Variants in PRKCE observed in about 807,000 individuals in gnomAD.
The protein encoded by PRKCE is protein kinase C epsilon.
PRKCE carries 16 observed loss-of-function variants against 85.4 expected under a neutral mutation model. The observed-to-expected ratio is 0.19, with a 90% CI of 0.13 to 0.28. The LOEUF (loss-of-function observed/expected upper bound fraction) is 0.28, where lower values mean the gene tolerates loss of function less well. Among genes scored for constraint, PRKCE ranks in the 10% least tolerant of loss-of-function variants. The pLI is 1.00. For missense variants in PRKCE, 573 were observed against 975.2 expected (o/e 0.59, Z 5.49); for synonymous variants, 388 against 371.5 (o/e 1.04, Z -0.51).
At chr2:45,732,041 G>C (rs911543822) in intron 1 of PRKCE, among the ~76,000 whole-genome samples, 3 of 152,264 alleles carry the variant, frequency 2.0e-5, no homozygotes, top group African/African-American at 7.2e-5. Flanking sequence ...AGTCTTTCCT[G>C]TAAGTTAAAC....
At chr2:46,160,450 G>A (rs577739747) in intron 14 of PRKCE, among the ~76,000 whole-genome samples, 22 of 152,222 alleles carry the variant, frequency 1.4e-4, no homozygotes, top group African/African-American at 5.1e-4. Flanking sequence ...GGAATGGGGC[G>A]AGGGTCATGT....
chr2:45,770,941 T>C (rs754241278), intron 1 of PRKCE: 12 of 151,596 alleles, frequency 7.9e-5, no homozygotes, highest in Non-Finnish European at 1.3e-4. Flanking sequence ...GAGTGGAAAA[T>C]ATTTAAGTTT....
intron 10 of PRKCE, among the ~76,000 whole-genome samples, chr2:46,045,886 AAAG>A (rs1268650899): frequency 2.0e-5 from 3 of 152,160 alleles, no homozygotes; most frequent in Admixed American, 6.5e-5. Context: ...AATAAAAAAA[AAAG>A]AAGAAGAAAG....
intron 2 of PRKCE, among the ~76,000 whole-genome samples, chr2:45,853,166 TCTC>T (rs1179338934): frequency 6.6e-6 from 1 of 152,126 alleles, no homozygotes; most frequent in East Asian, 1.9e-4. Context: ...CCCTCCCCAT[TCTC>T]CTTTCTTATG....
intron 1 of PRKCE, among the ~76,000 whole-genome samples, chr2:45,724,213 G>T (rs1680868201): frequency 6.6e-6 from 1 of 152,108 alleles, no homozygotes; most frequent in African/African-American, 2.4e-5. Context: ...GTCACATTTT[G>T]GTCATTTCTG....
chr2:45,760,493 T>C (rs1684376567), intron 1 of PRKCE, among the ~76,000 whole-genome samples: 1 of 152,160 alleles, frequency 6.6e-6, no homozygotes, highest in Non-Finnish European at 1.5e-5. Context: ...AAAGACACAG[T>C]GGCATAATAA....
intron 2 of PRKCE, among the ~76,000 whole-genome samples, chr2:45,953,138 A>G (rs1700736667): frequency 6.6e-6 from 1 of 152,078 alleles, no homozygotes; most frequent in African/African-American, 2.4e-5. Flanking sequence ...ACAGTTCTGA[A>G]CCCCCTTCCC....
rs554836288 is a variant in PRKCE, at chr2:45,652,856, G to T, written c.348+408G>T. The stretch of plus-strand genomic sequence containing the variant: ...AAGGCACGTGGAGCCTTTGACTGAA[G>T]GCTTCTTGCACGTCCTGGCTTTGTC... On this transcript the variant is annotated intron_variant, in intron 1 of 14. Transcript: ENST00000306156. This position sits in a 1 kb window ranked among gnomAD's most constrained non-coding sequence, Gnocchi z 7.7. Among the ~76,000 whole-genome samples, 5 of 152,288 alleles carry T rather than the reference G, an allele frequency of 3.3e-5. No homozygotes were observed. The highest frequency in any genetic ancestry group is 5.9e-5 in the Non-Finnish European group (4 of 68,020).
chr2:46,113,203 G>A (rs1208982479), intron 11 of PRKCE, among the ~76,000 whole-genome samples: 1 of 152,182 alleles, frequency 6.6e-6, no homozygotes, highest in African/African-American at 2.4e-5. Flanking sequence ...TAAATACATA[G>A]TTCTGACTGC....
intron 10 of PRKCE, among the ~76,000 whole-genome samples, chr2:46,019,429 C>T (rs966554487): frequency 1.3e-5 from 2 of 152,186 alleles, no homozygotes; most frequent in Non-Finnish European, 2.9e-5. Flanking sequence ...GGAGAGGTTC[C>T]ACCCACCCAT....
chr2:45,849,789 A>C (rs1159991368), intron 2 of PRKCE, among the ~76,000 whole-genome samples: 1 of 151,796 alleles, frequency 6.6e-6, no homozygotes, highest in Non-Finnish European at 1.5e-5. Context: ...ACCACACCCC[A>C]CCCCGGCATA....
At chr2:45,814,381 T>G (rs1271965475) in intron 1 of PRKCE, among the ~76,000 whole-genome samples, 1 of 152,192 alleles carries the variant, frequency 6.6e-6, no homozygotes, top group Non-Finnish European at 1.5e-5. Flanking sequence ...GCAGAAGTGC[T>G]CCCTGCCTGG....
chr2:46,166,110 T>C (rs1447689462), intron 14 of PRKCE, among the ~76,000 whole-genome samples: 1 of 152,184 alleles, frequency 6.6e-6, no homozygotes, highest in Non-Finnish European at 1.5e-5. Flanking sequence ...AGGCCTCTCC[T>C]GCATGCTCCT....
intron 2 of PRKCE, among the ~76,000 whole-genome samples, chr2:45,930,957 C>G (rs13034403): frequency 0.27 from 40,600 of 152,088 alleles, 6,131 homozygotes; most frequent in South Asian, 0.37. Context: ...TAATGGCGTG[C>G]TGCTGTTGGG....
At chr2:45,817,648 C>A (rs1259060083) in intron 1 of PRKCE, among the ~76,000 whole-genome samples, 3 of 152,080 alleles carry the variant, frequency 2.0e-5, no homozygotes, top group African/African-American at 4.8e-5. Context: ...GAGCCGAGAT[C>A]ACGCCACTGC....
chr2:45,950,772 C>T (rs1330881297), intron 2 of PRKCE, among the ~76,000 whole-genome samples: 1 of 152,140 alleles, frequency 6.6e-6, no homozygotes, highest in Admixed American at 6.5e-5. Flanking sequence ...TTCACACTTC[C>T]GTTGGCTCAA....
At chr2:45,765,958 C>T (rs1684879344) in intron 1 of PRKCE, among the ~76,000 whole-genome samples, 1 of 152,192 alleles carries the variant, frequency 6.6e-6, no homozygotes, top group African/African-American at 2.4e-5. Flanking sequence ...GAACTAAGAA[C>T]CTTATTGCAA....
intron 1 of PRKCE, among the ~76,000 whole-genome samples, chr2:45,842,430 A>G (rs1691431677): frequency 6.6e-6 from 1 of 152,184 alleles, no homozygotes; most frequent in African/African-American, 2.4e-5. Flanking sequence ...AAGCAGGAGT[A>G]GTGTCTTCCT....
rs116376755 is a variant in PRKCE, at chr2:45,998,500, G to T, written c.824-2904G>T. On this transcript the variant is annotated intron_variant, in intron 6 of 14. Transcript: ENST00000306156. ...GCTTTTTTGGGTTTAGTGTTAGCATGGTATATCTTACTCTATGTCTTTACT... is the reference window on the plus strand; with the variant it reads ...GCTTTTTTGGGTTTAGTGTTAGCATTGTATATCTTACTCTATGTCTTTACT... Among the ~76,000 whole-genome samples the T allele has an allele frequency of 7.9e-3, 1,199 of 152,204 alleles. 20 individuals are homozygous for T. The highest frequency in any genetic ancestry group is 0.028 in the African/African-American group (1,144 of 41,530).
Sources: allele counts gnomAD v4.1 joint callset (sites outside exome capture counted in the v4.1 genomes callset), GRCh38; gene constraint gnomAD v4.1.1; non-coding constraint Gnocchi (gnomAD v3.1); transcripts MANE v1.5; gene names NCBI Gene and HGNC (gene_info 2026-07-23, HGNC 2026-07-21).